The following ZC3H6 variants were observed in gnomAD, a reference collection of about 807,000 sequenced individuals.
The protein encoded by ZC3H6 is zinc finger CCCH domain-containing protein 6.
In ZC3H6, 40 loss-of-function variants were observed where a neutral mutation model predicts 107.7. The ratio of observed to expected loss-of-function variants is 0.37; its 90% CI spans 0.29 to 0.48. The LOEUF is 0.48. Among genes scored for constraint, ZC3H6 ranks in the 20% least tolerant of loss-of-function variants. The pLI is 0.98. For missense variants in ZC3H6, 1,267 were observed against 1,410.4 expected (o/e 0.90, Z 1.63); for synonymous variants, 493 against 487.9 (o/e 1.01, Z -0.14).
At chr2:112,279,317 C>T (rs954639542) in intron 1 of ZC3H6, among the ~76,000 whole-genome samples, 5 of 152,132 alleles carry the variant, frequency 3.3e-5, no homozygotes, top group Non-Finnish European at 5.9e-5. Flanking sequence ...ACTATGAGTC[C>T]CTGCTTTGGA....
intron 1 of ZC3H6, among the ~76,000 whole-genome samples, chr2:112,280,963 G>C (rs1686515145): frequency 1.5e-5 from 2 of 133,574 alleles, no homozygotes; most frequent in African/African-American, 3.2e-5. Flanking sequence ...GGGGAGATCA[G>C]TAGAAGGAAG....
intron 4 of ZC3H6, among the ~76,000 whole-genome samples, chr2:112,310,497 G>A (rs1296292472): frequency 6.6e-6 from 1 of 152,106 alleles, no homozygotes; most frequent in African/African-American, 2.4e-5. Context: ...TAGACCAGCT[G>A]GGAAGCTATA....
At position 112,303,237 on chromosome 2, in the gene ZC3H6, C is replaced by T; in HGVS notation, c.222C>T (p.Ser74=). 1 of 1,606,310 alleles carries T rather than the reference C, an allele frequency of 6.2e-7. No individual in the cohort carries two copies. Among genetic ancestry groups the T allele is most frequent in the Non-Finnish European group, 8.5e-7 (1 of 1,177,134 alleles). Residue 74 remains serine (S), a synonymous_variant, in exon 3 of 12, where the codon TCC becomes TCT. Transcript: ENST00000409871. ...CTTTCCCCTCCCTTCAGCATAATTC[C>T]CCATCTAGTGATGATAGTTCGGACT... ...RRKREKHKHN[S]PSSDDSSDYS...
chr2:112,325,679 G>T, intron 11 of ZC3H6, among the ~76,000 whole-genome samples: 1 of 152,016 alleles, frequency 6.6e-6, no homozygotes, highest in South Asian at 2.1e-4. Flanking sequence ...TTTTTCTGAA[G>T]AAAATAAATA....
rs1440436523 is a variant in ZC3H6, at chr2:112,331,019, T to C, written c.2101T>C (p.Trp701Arg). The stretch of plus-strand genomic sequence containing the variant: ...TCTGCATTTAGATGATACAGTTAAC[T>C]GGTATTCCAGTAGTGAAGAGGAAGA... The part of the protein sequence containing the change: ...PSKEEDDTVN[W>R]YSSSEEEEGS... Residue 701 changes from tryptophan (W) to arginine (R), a missense_variant, in exon 12 of 12, where the codon TGG becomes CGG. By Grantham distance (101) the Trp-to-Arg change is moderately radical (BLOSUM62 -3). Around this residue, in one of 3 missense-constraint regions of ZC3H6, gnomAD observed 925 missense variants for 1,025.7 expected, o/e 0.90. Transcript: ENST00000409871. The C allele has an allele frequency of 6.6e-7, 1 of 1,519,536 alleles. No homozygotes were observed. Among genetic ancestry groups the C allele is most frequent in the Admixed American group, 2.5e-5 (1 of 40,778 alleles). The allele number at this position is 1,519,536 out of a possible 1,614,324, so 94.1% of individuals were successfully genotyped here. A position where few individuals can be genotyped will look rare whatever the true frequency, so the allele number is the denominator to read the frequency against.
Position 112,324,546 on chromosome 2 carries a change from C to G in ZC3H6, c.1735C>G (p.Pro579Ala). Residue 579 changes from proline to alanine, a missense_variant, in exon 10 of 12, where the codon CCT (proline) becomes GCT (alanine). Physicochemically the swap from Pro to Ala is conservative, Grantham distance 27. Coordinates refer to ENST00000409871, the MANE Select transcript of ZC3H6 (RefSeq NM_198581.3). ...TCCAGGTTCATCATACCAGCAAAGT[C>G]CTGGTGAAATGCAGCTCAACACCAA... ...CSPGSSYQQS[P>A]GEMQLNTNYE... 6.2e-7 allele frequency: 1 copy of G among 1,612,564 alleles called. No individual in the cohort carries two copies. Among genetic ancestry groups the G allele is most frequent in the Non-Finnish European group, 8.5e-7 (1 of 1,179,268 alleles).
At position 112,331,999 on chromosome 2, in the gene ZC3H6, ACT is replaced by A; in HGVS notation, c.3086_3087del (p.Ser1029PhefsTer15). ...GGGCTCTGCCTCCATATGCCCCTAA[ACT>A]CTCTTCCTCAGCTGGCCTTCCACTG... Reference protein sequence around the residue: ...SGALPPYAPKLSSSAGLPLGT... With the variant: ...SGALPPYAPKXSSSAGLPLGT... On this transcript the variant is annotated frameshift_variant, in exon 12 of 12. Transcript: ENST00000409871. LOFTEE classifies it high-confidence loss of function. The A allele has an allele frequency of 1.2e-6, 2 of 1,613,870 alleles. No individual in the cohort carries two copies. The highest frequency in any genetic ancestry group is 1.1e-5 in the South Asian group (1 of 91,080).
At chr2:112,294,785 T>G (rs532867740) in intron 1 of ZC3H6, among the ~76,000 whole-genome samples, 1 of 152,308 alleles carries the variant, frequency 6.6e-6, no homozygotes, top group South Asian at 2.1e-4. Flanking sequence ...ATAATTACCT[T>G]AGAATAAGAA....
At chr2:112,276,284 C>A (rs1203950640) in intron 1 of ZC3H6, among the ~76,000 whole-genome samples, 1 of 149,604 alleles carries the variant, frequency 6.7e-6, no homozygotes, top group Non-Finnish European at 1.5e-5. Context: ...GCGAGCCCCC[C>A]GCCCCCCGGG....
intron 3 of ZC3H6, among the ~76,000 whole-genome samples, chr2:112,305,584 A>G (rs1189129880): frequency 6.6e-6 from 1 of 152,150 alleles, no homozygotes; most frequent in Non-Finnish European, 1.5e-5. Flanking sequence ...ATGGTCTTTT[A>G]TATTTATCTA....
chr2:112,321,925 T>C (rs1252066092), intron 8 of ZC3H6, 60 bp downstream of exon 8: 1 of 749,306 alleles, frequency 1.3e-6, no homozygotes, highest in African/African-American at 1.8e-5. Context: ...ACTTGAATCA[T>C]ATTTTATAAG....
In ZC3H6 at chr2:112,319,994, G is replaced by A. The variant is rs561470694; in HGVS notation, c.977-1762G>A. Among the ~76,000 whole-genome samples, 202 of 152,184 alleles carry A rather than the reference G, an allele frequency of 1.3e-3. 3 individuals are homozygous for A. Among genetic ancestry groups the A allele is most frequent in the Admixed American group, 5.1e-3 (78 of 15,284 alleles). ...GTTGCCCAGGCTGGAGTCCAATGGC[G>A]CGTTCTCCGCTCACTGCAACCTCTG... On this transcript the variant is annotated intron_variant, in intron 7 of 11. Transcript: ENST00000409871.
At position 112,299,915 on chromosome 2, in the gene ZC3H6, A is replaced by G. The variant is rs796411717; in HGVS notation, c.99A>G (p.Glu33=). ...GATTTGAAGAAATACAAGAAAAAGA[A>G]GCAAAAGAGAATGAAAAGCAGAAAA... ...DAGFEEIQEK[E]AKENEKQKSE... The change falls in exon 2 of 12, where the codon GAA becomes GAG. Residue 33 remains glutamate, a synonymous_variant. Coordinates refer to ENST00000409871, the MANE Select transcript of ZC3H6 (RefSeq NM_198581.3). 29 of 1,512,240 alleles carry G rather than the reference A, an allele frequency of 1.9e-5. 1 individual carries two copies. In the African/African-American group the frequency reaches 3.5e-4, roughly 18 times the overall value. 93.7% of individuals were successfully genotyped at this position (1,512,240 alleles called of 1,614,324 possible).
intron 11 of ZC3H6, among the ~76,000 whole-genome samples, chr2:112,329,533 A>C (rs1465684272): frequency 6.6e-6 from 1 of 152,202 alleles, no homozygotes; most frequent in Non-Finnish European, 1.5e-5. Context: ...GATCTGAGTA[A>C]AACTTTTTGC....
chr2:112,331,253 C>A lies in ZC3H6; in HGVS notation c.2335C>A (p.Leu779Ile). The part of the protein sequence containing the change: ...RKPSESAPLD[L>I]RLAWDPRKLR... ...GCCTTCTGAGTCTGCCCCACTGGAT[C>A]TTAGACTTGCGTGGGATCCCAGGAA... The change falls in exon 12 of 12, where the codon CTT becomes ATT. Residue 779 changes from leucine to isoleucine, a missense_variant. This residue lies in a region of ZC3H6 where 925 missense variants were observed against 1,025.7 expected (regional missense o/e 0.90). Transcript: ENST00000409871. 1 of 1,613,842 alleles carries A rather than the reference C, an allele frequency of 6.2e-7. No homozygotes were observed. Among genetic ancestry groups the A allele is most frequent in the East Asian group, 2.2e-5 (1 of 44,882 alleles).
chr2:112,319,464 A>G (rs1296424899), intron 7 of ZC3H6, among the ~76,000 whole-genome samples: 1 of 152,088 alleles, frequency 6.6e-6, no homozygotes, highest in East Asian at 1.9e-4. Context: ...TGGCCAACAT[A>G]GTGAAACCCC....
intron 1 of ZC3H6, among the ~76,000 whole-genome samples, chr2:112,282,884 A>G (rs1480286943): frequency 1.3e-5 from 2 of 152,212 alleles, no homozygotes; most frequent in Admixed American, 6.5e-5. Context: ...GCAGTTACTT[A>G]CATCAATCTG....
Position 112,325,203 on chromosome 2 carries a change from T to C in ZC3H6, c.2086+6T>C. 2 of 1,613,304 alleles carry C rather than the reference T, an allele frequency of 1.2e-6. No individual in the cohort carries two copies. The highest frequency in any genetic ancestry group is 1.7e-6 in the Non-Finnish European group (2 of 1,179,364). On this transcript the variant is annotated splice_donor_region_variant and intron_variant, in intron 11 of 11. Coordinates refer to ENST00000409871, the MANE Select transcript of ZC3H6 (RefSeq NM_198581.3). ...GGCACCAAGCAAGGAAGAAGGTGTG[T>C]CAGAAGTTATTAATAGCATCTTACC...
intron 1 of ZC3H6, among the ~76,000 whole-genome samples, chr2:112,299,548 T>C (rs1224008885): frequency 1.3e-5 from 2 of 152,226 alleles, no homozygotes; most frequent in Non-Finnish European, 2.9e-5. Flanking sequence ...ACTGTATTTA[T>C]TCATGCATTC....
Sources: allele counts gnomAD v4.1 joint callset (sites outside exome capture counted in the v4.1 genomes callset), GRCh38; gene constraint gnomAD v4.1.1; regional missense constraint gnomAD v4.1.1; transcripts MANE v1.5; gene names NCBI Gene and HGNC (gene_info 2026-07-23, HGNC 2026-07-21).